The following CACNB2 variants were observed in gnomAD, a reference collection of about 807,000 sequenced individuals.
CACNB2 encodes calcium voltage-gated channel auxiliary subunit beta 2, also known as voltage-dependent L-type calcium channel subunit beta-2.
CACNB2 carries 42 observed loss-of-function variants against 73.3 expected under a neutral mutation model. That is an observed-to-expected ratio of 0.57 (90% confidence interval 0.45 to 0.74). The LOEUF (loss-of-function observed/expected upper bound fraction) is 0.74. Among genes scored for constraint, CACNB2 ranks in the 30% least tolerant of loss-of-function variants. The pLI is 0.00. For synonymous variants in CACNB2, 348 were observed against 310.3 expected (o/e 1.12, Z -1.28); for missense variants, 940 against 853.0 (o/e 1.10, Z -1.27).
Position 18,425,381 on chromosome 10 carries a change from T to C in CACNB2, c.333+23338T>C, listed in dbSNP as rs908346415. On this transcript the variant is annotated intron_variant, in intron 3 of 13. Transcript: ENST00000324631. ...TTGGGCTCTTGTTTAAGAAATTCTT[T>C]CCTGGCCAGGTGTGGTGGCTCAATC... 2.0e-5 allele frequency among the ~76,000 whole-genome samples: 3 copies of C among 152,294 alleles called. No individual in the cohort carries two copies. In the East Asian group the frequency reaches 5.8e-4, roughly 29 times the overall value.
chr10:18,258,056 A>G (rs1812316600), intron 2 of CACNB2, among the ~76,000 whole-genome samples: 1 of 152,098 alleles, frequency 6.6e-6, no homozygotes. Flanking sequence ...CTCAGTTCTT[A>G]TACGTGCCTA....
intron 2 of CACNB2, among the ~76,000 whole-genome samples, chr10:18,380,996 C>G (rs962001813): frequency 1.3e-5 from 2 of 151,814 alleles, no homozygotes; most frequent in African/African-American, 4.8e-5. Context: ...CTGTGGTGGG[C>G]TGCCTTGCTT....
intron 2 of CACNB2, among the ~76,000 whole-genome samples, chr10:18,310,623 A>T (rs2039924206): frequency 6.8e-6 from 1 of 146,608 alleles, no homozygotes; most frequent in African/African-American, 2.6e-5. Flanking sequence ...AAAAAAAAAA[A>T]AAAAAGTAAA....
intron 2 of CACNB2, among the ~76,000 whole-genome samples, chr10:18,228,801 G>A (rs2131436036): frequency 6.6e-6 from 1 of 152,162 alleles, no homozygotes; most frequent in Non-Finnish European, 1.5e-5. Flanking sequence ...GTGCAATGGT[G>A]CGATCCCAGC....
At chr10:18,327,527 C>T (rs926025897) in intron 2 of CACNB2, among the ~76,000 whole-genome samples, 5 of 152,096 alleles carry the variant, frequency 3.3e-5, no homozygotes, top group African/African-American at 1.2e-4. Context: ...TGGACTCAAG[C>T]GAGTCTCCTG....
intron 2 of CACNB2, among the ~76,000 whole-genome samples, chr10:18,286,031 G>A (rs1207178848): frequency 6.6e-6 from 1 of 152,206 alleles, no homozygotes; most frequent in Non-Finnish European, 1.5e-5. Context: ...AATCTGTGGT[G>A]TAGTAATATA....
At chr10:18,459,663 G>C (rs1452546306) in intron 3 of CACNB2, among the ~76,000 whole-genome samples, 1 of 152,142 alleles carries the variant, frequency 6.6e-6, no homozygotes, top group Non-Finnish European at 1.5e-5. Context: ...TAATGTTCTA[G>C]ATATGTTATG....
chr10:18,208,446 A>C (rs12098280), intron 2 of CACNB2, among the ~76,000 whole-genome samples: 10,373 of 151,946 alleles, frequency 0.068, 1,045 homozygotes, highest in African/African-American at 0.23. Context: ...GACCCCATCT[A>C]TACAAAAACT....
chr10:18,146,624 T>A (rs147646387), intron 1 of CACNB2, among the ~76,000 whole-genome samples: 2,164 of 152,090 alleles, frequency 0.014, 25 homozygotes, highest in African/African-American at 0.034. Context: ...ATCACAGGTG[T>A]CCGCCACCAC....
chr10:18,215,344 G>A (rs1195184799), intron 2 of CACNB2, among the ~76,000 whole-genome samples: 1 of 152,158 alleles, frequency 6.6e-6, no homozygotes, highest in Non-Finnish European at 1.5e-5. Flanking sequence ...GGGTCTGACG[G>A]TGAGACCAGA....
chr10:18,404,806 T>C (rs2044195322), intron 3 of CACNB2, among the ~76,000 whole-genome samples: 1 of 152,222 alleles, frequency 6.6e-6, no homozygotes, highest in Admixed American at 6.5e-5. Context: ...CAAAAGGTTA[T>C]ATAACGAAGT....
intron 3 of CACNB2, among the ~76,000 whole-genome samples, chr10:18,470,250 GCTGAGGCTGGAGGATCAC>G (rs2048110869): frequency 6.6e-6 from 1 of 150,972 alleles, no homozygotes; most frequent in Non-Finnish European, 1.5e-5. Context: ...ACTTTGGGAG[GCTGAGGCTGGAGGATCAC>G]CTGAGGTCTG....
At chr10:18,173,213 C>G (rs1242693132) in intron 2 of CACNB2, among the ~76,000 whole-genome samples, 1 of 152,142 alleles carries the variant, frequency 6.6e-6, no homozygotes, top group African/African-American at 2.4e-5. Flanking sequence ...AGCCATTGCA[C>G]CTGGCCATAA....
chr10:18,172,016 TA>T (rs777556709), intron 2 of CACNB2, among the ~76,000 whole-genome samples: 15 of 151,972 alleles, frequency 9.9e-5, no homozygotes, highest in Non-Finnish European at 1.9e-4. Context: ...ACTAAGAAGG[TA>T]GAAAGTCTAG....
intron 2 of CACNB2, among the ~76,000 whole-genome samples, chr10:18,355,940 A>G (rs1021410197): frequency 6.6e-6 from 1 of 151,798 alleles, no homozygotes; most frequent in East Asian, 1.9e-4. Flanking sequence ...CCGGCCTCTG[A>G]TTTTTTATTC....
intron 2 of CACNB2, among the ~76,000 whole-genome samples, chr10:18,319,979 G>A (rs562823596): frequency 3.3e-5 from 5 of 152,192 alleles, no homozygotes; most frequent in South Asian, 2.1e-4. Flanking sequence ...CAGACAGACC[G>A]GGAGGGACAG....
intron 2 of CACNB2, among the ~76,000 whole-genome samples, chr10:18,343,993 T>C (rs995911631): frequency 1.3e-4 from 19 of 151,992 alleles, no homozygotes; most frequent in African/African-American, 3.6e-4. Context: ...TGATGAAGTA[T>C]TCTAAGAAGG....
chr10:18,337,585 T>G (rs2041058678), intron 2 of CACNB2, among the ~76,000 whole-genome samples: 2 of 152,244 alleles, frequency 1.3e-5, no homozygotes, highest in South Asian at 4.1e-4. Context: ...GCATAGAAAA[T>G]ATTATAATGA....
intron 3 of CACNB2, among the ~76,000 whole-genome samples, chr10:18,496,162 G>C (rs2049798485): frequency 7.7e-6 from 1 of 130,522 alleles, no homozygotes; most frequent in African/African-American, 3.1e-5. Flanking sequence ...CTCCAGCCTG[G>C]GCATCACAGT....
Sources: gnomAD v4.1 joint callset for allele counts (sites outside exome capture counted in the v4.1 genomes callset) on GRCh38, gnomAD v4.1.1 for gene constraint, MANE v1.5 for transcripts, NCBI Gene and HGNC (gene_info 2026-07-23, HGNC 2026-07-21) for gene names.